Variants in PCDH15 observed in about 807,000 individuals in gnomAD.
The protein encoded by PCDH15 is protocadherin-15.
A neutral mutation model predicts 178.5 loss-of-function variants in PCDH15; 129 were observed. The observed-to-expected ratio is 0.72, with a 90% CI of 0.63 to 0.84. The LOEUF (loss-of-function observed/expected upper bound fraction) is 0.84. PCDH15 is among the 40% of genes least tolerant of loss of function. PCDH15 has a pLI of 0.00. For missense variants in PCDH15, 2,230 were observed against 2,099.9 expected (o/e 1.06, Z -1.21); for synonymous variants, 800 against 732.0 (o/e 1.09, Z -1.50).
At chr10:54,862,780 C>G (rs977646695) in intron 3 of PCDH15, among the ~76,000 whole-genome samples, 2 of 152,164 alleles carry the variant, frequency 1.3e-5, no homozygotes, top group Non-Finnish European at 2.9e-5. Flanking sequence ...CTTTCACTTT[C>G]TGATAGGAGC....
intron 18 of PCDH15, among the ~76,000 whole-genome samples, chr10:54,063,498 C>T (rs1444635865): frequency 2.0e-5 from 3 of 152,148 alleles, no homozygotes; most frequent in African/African-American, 4.8e-5. Flanking sequence ...CTATGCATGT[C>T]CCTCAGAGCA....
At chr10:53,975,414 T>A (rs905178228) in intron 21 of PCDH15, among the ~76,000 whole-genome samples, 1 of 151,764 alleles carries the variant, frequency 6.6e-6, no homozygotes, top group African/African-American at 2.4e-5. Flanking sequence ...TGAATAAGTG[T>A]TTTTTTTCCC....
intron 25 of PCDH15, among the ~76,000 whole-genome samples, chr10:53,927,893 AATGAATG>A (rs1233974797): frequency 3.9e-5 from 6 of 152,116 alleles, no homozygotes; most frequent in African/African-American, 1.4e-4. Context: ...TGACAGGGAC[AATGAATG>A]ATTAAGCAAA....
chr10:54,399,921 C>T (rs957649448), intron 3 of PCDH15, among the ~76,000 whole-genome samples: 2 of 152,128 alleles, frequency 1.3e-5, no homozygotes, highest in African/African-American at 4.8e-5. Flanking sequence ...CTAGAGAGTA[C>T]AGCAATGCAC....
At chr10:55,028,842 C>T (rs2131963928) in intron 2 of PCDH15, among the ~76,000 whole-genome samples, 1 of 152,140 alleles carries the variant, frequency 6.6e-6, no homozygotes, top group African/African-American at 2.4e-5. Flanking sequence ...TAGATAACTA[C>T]ATATCACCAA....
At chr10:54,491,143 C>T (rs1199133009) in intron 3 of PCDH15, among the ~76,000 whole-genome samples, 3 of 152,008 alleles carry the variant, frequency 2.0e-5, no homozygotes, top group Non-Finnish European at 4.4e-5. Context: ...AATGCAGTAG[C>T]AGTTAAGGGA....
At chr10:54,567,909 T>G (rs2089273727) in intron 2 of PCDH15, among the ~76,000 whole-genome samples, 1 of 152,158 alleles carries the variant, frequency 6.6e-6, no homozygotes, top group South Asian at 2.1e-4. Context: ...TTTCATCCTC[T>G]AAGGCTTCCA....
At chr10:54,370,325 T>C (rs1947466758) in intron 4 of PCDH15, among the ~76,000 whole-genome samples, 1 of 151,992 alleles carries the variant, frequency 6.6e-6, no homozygotes, top group African/African-American at 2.4e-5. Flanking sequence ...GTCTCCAACC[T>C]GACATCTCCT....
At chr10:53,931,481 T>C (rs887406593) in intron 25 of PCDH15, among the ~76,000 whole-genome samples, 2 of 152,218 alleles carry the variant, frequency 1.3e-5, no homozygotes, top group South Asian at 4.1e-4. Context: ...GCTATTGGGA[T>C]ACATCAATAA....
At chr10:55,475,812 TG>T (rs2132112169) in intron 2 of PCDH15, among the ~76,000 whole-genome samples, 1 of 152,272 alleles carries the variant, frequency 6.6e-6, no homozygotes, top group African/African-American at 2.4e-5. Context: ...CAACCTGTTC[TG>T]AAATAATATG....
chr10:54,001,371 A>G (rs2135006444), intron 20 of PCDH15, among the ~76,000 whole-genome samples: 1 of 152,226 alleles, frequency 6.6e-6, no homozygotes, highest in South Asian at 2.1e-4. Context: ...AATAACTACA[A>G]TCACTTTTCA....
intron 23 of PCDH15, among the ~76,000 whole-genome samples, chr10:53,957,268 C>G (rs541012352): frequency 1.6e-4 from 25 of 152,222 alleles, no homozygotes; most frequent in African/African-American, 5.8e-4. Context: ...TTTTTGGATC[C>G]ACTTAGAAGA....
At chr10:53,820,717 A>G (rs926001562) in intron 32 of PCDH15, among the ~76,000 whole-genome samples, 8 of 151,958 alleles carry the variant, frequency 5.3e-5, no homozygotes, top group African/African-American at 1.7e-4. Flanking sequence ...ACTAATATTG[A>G]AAGTATAGTT....
At chr10:55,184,430 C>A (rs1839740347) in intron 1 of PCDH15, among the ~76,000 whole-genome samples, 1 of 151,932 alleles carries the variant, frequency 6.6e-6, no homozygotes, top group Admixed American at 6.6e-5. Context: ...GCCATAAACT[C>A]CATCTGCAAC....
At chr10:55,622,065 G>T (rs1269337412) in intron 2 of PCDH15, among the ~76,000 whole-genome samples, 33 of 127,228 alleles carry the variant, frequency 2.6e-4, no homozygotes, top group South Asian at 7.0e-4. Flanking sequence ...TATATATAAT[G>T]TATATATAAT....
chr10:54,119,572 T>G (rs7074447), intron 15 of PCDH15, among the ~76,000 whole-genome samples: 104,930 of 151,918 alleles, frequency 0.69, 36,603 homozygotes, highest in East Asian at 0.99. Flanking sequence ...GGAAATTACA[T>G]TTGAGGGAAA....
chr10:55,410,549 C>A (rs528955124), intron 2 of PCDH15, among the ~76,000 whole-genome samples: 64 of 152,140 alleles, frequency 4.2e-4, no homozygotes, highest in African/African-American at 1.5e-3. Context: ...GTCTTACCCC[C>A]GTCAGTCAAA....
At chr10:55,561,549 T>C (rs1241544817) in intron 2 of PCDH15, among the ~76,000 whole-genome samples, 1 of 151,880 alleles carries the variant, frequency 6.6e-6, no homozygotes, top group Non-Finnish European at 1.5e-5. Context: ...AATAGTATGA[T>C]GTGAGGGCTG....
At position 54,500,298 on chromosome 10, in the gene PCDH15, G is replaced by A. The variant is rs546732063; in HGVS notation, c.157+27514C>T. Among the ~76,000 whole-genome samples the A allele has an allele frequency of 2.9e-4, 44 of 152,138 alleles. 1 individual carries two copies. Among genetic ancestry groups the A allele is most frequent in the Admixed American group, 7.9e-4 (12 of 15,262 alleles). On this transcript the variant is annotated intron_variant, in intron 3 of 37. Coordinates refer to ENST00000644397, the MANE Select transcript of PCDH15 (RefSeq NM_001384140.1). ...CAATAAAAACAAGGGCCTACTTGAA[G>A]GGGGAGGGAGGAGGGCAAAGGTCAA... is the stretch of plus-strand genomic sequence containing the variant.
Sources: allele counts gnomAD v4.1 joint callset (sites outside exome capture counted in the v4.1 genomes callset), GRCh38; gene constraint gnomAD v4.1.1; transcripts MANE v1.5; gene names NCBI Gene and HGNC (gene_info 2026-07-23, HGNC 2026-07-21).